GFRA1: variants seen among roughly 807,000 people sequenced by gnomAD.
The protein encoded by GFRA1 is GDNF family receptor alpha-1.
Under a neutral mutation model 51.6 loss-of-function variants are expected in GFRA1, and 16 were observed. That is an observed-to-expected ratio of 0.31 (90% CI 0.21 to 0.47). The LOEUF is 0.47. GFRA1 is among the 20% of genes least tolerant of loss of function. The pLI is 1.00. For synonymous variants in GFRA1, 270 were observed against 241.3 expected (o/e 1.12, Z -1.10); for missense variants, 530 against 594.3 (o/e 0.89, Z 1.13).
At chr10:116,133,468 G>C (rs1489658910) in intron 5 of GFRA1, among the ~76,000 whole-genome samples, 1 of 152,138 alleles carries the variant, frequency 6.6e-6, no homozygotes, top group Non-Finnish European at 1.5e-5. Flanking sequence ...GATTAGGAGT[G>C]AGGAGCATCT....
At chr10:116,114,687 C>G (rs1470976195) in intron 6 of GFRA1, among the ~76,000 whole-genome samples, 2 of 152,196 alleles carry the variant, frequency 1.3e-5, no homozygotes, top group African/African-American at 2.4e-5. Flanking sequence ...GCACATACCA[C>G]CACACCAGCT....
chr10:116,062,757 G>A lies in GFRA1; in HGVS notation c.*1641C>T, dbSNP rs537137215. The A allele has an allele frequency of 6.6e-6, 1 of 152,270 alleles. No individual in the cohort carries two copies. The highest frequency in any genetic ancestry group is 2.4e-5 in the African/African-American group (1 of 41,554). The allele number at this position is 152,270 out of a possible 1,614,324, so 9.4% of individuals were successfully genotyped here. ...CCAGTACTCGATCATTGTAGATTCGGAATCTCGCCATCTAAACCAGACTTC... is the reference window on the plus strand; with the variant it reads ...CCAGTACTCGATCATTGTAGATTCGAAATCTCGCCATCTAAACCAGACTTC... On this transcript the variant is annotated 3_prime_UTR_variant, in exon 11 of 11. Coordinates refer to ENST00000355422, the MANE Select transcript of GFRA1 (RefSeq NM_005264.8).
Position 116,061,723 on chromosome 10 carries a change from G to C in GFRA1, c.*2675C>G. On this transcript the variant is annotated 3_prime_UTR_variant, in exon 11 of 11. Transcript: ENST00000355422. ...GTCTTCAGTGGCACCCCAAATGCCC[G>C]GACTGAAGGACAGGAAGTAGCGAAT... 3.1e-6 allele frequency: 1 copy of C among 322,930 alleles called. No homozygotes were observed. The highest frequency in any genetic ancestry group is 5.6e-6 in the Non-Finnish European group (1 of 178,952). 20.0% of individuals were successfully genotyped at this position (322,930 alleles called of 1,614,324 possible). A position where few individuals can be genotyped will look rare whatever the true frequency, so the allele number is the denominator to read the frequency against.
intron 5 of GFRA1, among the ~76,000 whole-genome samples, chr10:116,200,891 T>TAA (rs1315108182): frequency 2.0e-5 from 3 of 152,084 alleles, no homozygotes. Flanking sequence ...AGAAAGCGAG[T>TAA]TAATGTATGT....
At chr10:116,101,782 T>C (rs572991351) in intron 6 of GFRA1, among the ~76,000 whole-genome samples, 90 of 152,288 alleles carry the variant, frequency 5.9e-4, no homozygotes, top group African/African-American at 2.1e-3. Context: ...GTTGGTGGAA[T>C]TGAGCCTTGG....
At chr10:116,255,011 G>A (rs1968712357) in intron 4 of GFRA1, among the ~76,000 whole-genome samples, 1 of 152,204 alleles carries the variant, frequency 6.6e-6, no homozygotes, top group South Asian at 2.1e-4. Flanking sequence ...GGCAGTTGCA[G>A]TAAGTTCACT....
intron 5 of GFRA1, among the ~76,000 whole-genome samples, chr10:116,202,376 T>C (rs1430699071): frequency 2.0e-5 from 3 of 152,118 alleles, no homozygotes; most frequent in Non-Finnish European, 4.4e-5. Context: ...TTCTCAAAGA[T>C]TTCAAAGGAA....
intron 5 of GFRA1, among the ~76,000 whole-genome samples, chr10:116,189,854 T>A (rs1025349755): frequency 1.3e-5 from 2 of 152,158 alleles, no homozygotes; most frequent in African/African-American, 4.8e-5. Context: ...ATAACACTCA[T>A]CATTATAGAA....
intron 5 of GFRA1, among the ~76,000 whole-genome samples, chr10:116,176,726 CTCCT>C (rs66897810): frequency 0.44 from 57,553 of 129,994 alleles, 14,348 homozygotes; most frequent in Middle Eastern, 0.58. Context: ...CCCTCCCTCC[CTCCT>C]TCCTTCCTTC....
At chr10:116,235,876 C>T (rs999894321) in intron 4 of GFRA1, among the ~76,000 whole-genome samples, 5 of 152,096 alleles carry the variant, frequency 3.3e-5, no homozygotes, top group African/African-American at 1.2e-4. Flanking sequence ...GTAGGAAAGA[C>T]CTCAGAATGA....
intron 5 of GFRA1, among the ~76,000 whole-genome samples, chr10:116,175,201 C>T (rs772209860): frequency 3.3e-5 from 5 of 152,184 alleles, no homozygotes; most frequent in Admixed American, 6.5e-5. Context: ...ACCAACACTG[C>T]GGCAGCCGGC....
chr10:116,077,322 A>G (rs974291964), intron 9 of GFRA1, among the ~76,000 whole-genome samples: 1 of 152,332 alleles, frequency 6.6e-6, no homozygotes, highest in South Asian at 2.1e-4. Flanking sequence ...ATCTGGCTAC[A>G]TTGTTGCTGA....
At chr10:116,186,995 C>T (rs535773764) in intron 5 of GFRA1, among the ~76,000 whole-genome samples, 2 of 152,250 alleles carry the variant, frequency 1.3e-5, no homozygotes, top group South Asian at 2.1e-4. Flanking sequence ...TCAAGAACCA[C>T]TAATGTTCCT....
intron 6 of GFRA1, among the ~76,000 whole-genome samples, chr10:116,107,701 AC>A (rs1957056747): frequency 6.6e-6 from 1 of 152,164 alleles, no homozygotes; most frequent in African/African-American, 2.4e-5. Context: ...TGCTGTCTGT[AC>A]CCTCAGAAGG....
At chr10:116,173,770 T>A (rs529908966) in intron 5 of GFRA1, among the ~76,000 whole-genome samples, 2 of 152,274 alleles carry the variant, frequency 1.3e-5, no homozygotes, top group African/African-American at 4.8e-5. Flanking sequence ...ACAGGTTTTT[T>A]TTCCCCGGTT....
chr10:116,108,705 G>T (rs1565580920), intron 6 of GFRA1, among the ~76,000 whole-genome samples: 1 of 152,254 alleles, frequency 6.6e-6, no homozygotes, highest in East Asian at 1.9e-4. Flanking sequence ...CTCCCACCAA[G>T]TCCCCTCACT....
intron 6 of GFRA1, among the ~76,000 whole-genome samples, chr10:116,112,050 G>C (rs1589797917): frequency 6.6e-6 from 1 of 152,314 alleles, no homozygotes; most frequent in South Asian, 2.1e-4. Context: ...AACACCAGCT[G>C]GTCCAATAGG....
At chr10:116,196,618 TAA>T (rs1447172093) in intron 5 of GFRA1, among the ~76,000 whole-genome samples, 1 of 30,978 alleles carries the variant, frequency 3.2e-5, no homozygotes, top group Non-Finnish European at 6.7e-5. Flanking sequence ...GTACTATATA[TAA>T]TATATATAAT....
chr10:116,123,088 G>A (rs1012234976), intron 6 of GFRA1, among the ~76,000 whole-genome samples: 1 of 152,334 alleles, frequency 6.6e-6, no homozygotes, highest in South Asian at 2.1e-4. Flanking sequence ...CCCGAGCAAA[G>A]CTCCCTACAG....
Sources: gnomAD v4.1 joint callset for allele counts (sites outside exome capture counted in the v4.1 genomes callset) on GRCh38, gnomAD v4.1.1 for gene constraint, MANE v1.5 for transcripts, NCBI Gene and HGNC (gene_info 2026-07-23, HGNC 2026-07-21) for gene names.